The following FAM47E variants were observed in gnomAD, a reference collection of about 807,000 sequenced individuals.
FAM47E encodes family with sequence similarity 47 member E.
A neutral mutation model predicts 41.6 loss-of-function variants in FAM47E; 32 were observed. The observed-to-expected ratio is 0.77, with a 90% CI of 0.58 to 1.03. The LOEUF (loss-of-function observed/expected upper bound fraction) is 1.03, where lower values mean the gene tolerates loss of function less well. FAM47E is among the 50% of genes least tolerant of loss of function. The pLI, the probability that FAM47E is intolerant of heterozygous loss-of-function variation, is 0.00. For missense variants in FAM47E, 424 were observed against 485.4 expected, an observed-to-expected ratio of 0.87 and a Z score of 1.19; for synonymous variants, 184 against 188.7, an observed-to-expected ratio of 0.98 and a Z score of 0.20.
Position 76,221,449 on chromosome 4 carries a change from G to A in FAM47E, c.81+3761G>A, listed in dbSNP as rs1285651909. Among the ~76,000 whole-genome samples, 4 of 152,218 alleles carry A rather than the reference G, an allele frequency of 2.6e-5. No individual in the cohort carries two copies. In the East Asian group the frequency reaches 5.8e-4, roughly 22 times the overall value. On this transcript the variant is annotated intron_variant, in intron 2 of 7. Transcript: ENST00000510197. ...TTCTCCTGCCTCAGCCTCCCGAGTA[G>A]CTGGGATTACAGGCACCTGGTACCA... is the stretch of plus-strand genomic sequence containing the variant.
intron 5 of FAM47E, 114 bp from the exon 6 acceptor site, chr4:76,277,955 G>T: frequency 7.8e-7 from 1 of 1,276,834 alleles, no homozygotes. Context: ...CTTTGGCAAG[G>T]ACCAACCTAA....
At chr4:76,247,720 G>A (rs1003746595), upstream of FAM47E, among the ~76,000 whole-genome samples, 3 of 151,890 alleles carry the variant, frequency 2.0e-5, no homozygotes, top group Non-Finnish European at 2.9e-5. Context: ...CTTTTGATGT[G>A]ATTTTTGGCC....
chr4:76,214,044 C>G (rs1733146578), exon 1 of FAM47E: 1 of 327,950 alleles, frequency 3.0e-6, no homozygotes, highest in Non-Finnish European at 6.0e-6. Context: ...GCTCCCAGCG[C>G]CCTGCACCGC....
At chr4:76,242,385 C>T (rs912643090) in intron 2 of FAM47E, among the ~76,000 whole-genome samples, 1 of 152,216 alleles carries the variant, frequency 6.6e-6, no homozygotes, top group African/African-American at 2.4e-5. Flanking sequence ...CATCTTCTAC[C>T]ATGACTGTAA....
rs753290145 is a variant in FAM47E, at chr4:76,217,701, C to T, written c.81+13C>T. ...TACCCAATCTCAGGTATTGTTATAG[C>T]AACACAAACAGACAAGGGCGGAAAA... On this transcript the variant is annotated intron_variant, in intron 2 of 7. Coordinates refer to the FAM47E transcript ENST00000510197. The T allele has an allele frequency of 1.2e-5, 7 of 580,316 alleles. No homozygotes were observed. In the South Asian group the frequency reaches 1.4e-4, roughly 12 times the overall value. 35.9% of individuals were successfully genotyped at this position (580,316 alleles called of 1,614,324 possible). A position where few individuals can be genotyped will look rare whatever the true frequency, so the allele number is the denominator to read the frequency against.
chr4:76,257,479 A>G (rs1165948518), intron 2 of FAM47E, among the ~76,000 whole-genome samples: 1 of 152,146 alleles, frequency 6.6e-6, no homozygotes, highest in African/African-American at 2.4e-5. Flanking sequence ...CTTCTCTCTC[A>G]GAGAAAGCCA....
chr4:76,261,277 G>T (rs1454475575), intron 2 of FAM47E, among the ~76,000 whole-genome samples: 1 of 152,092 alleles, frequency 6.6e-6, no homozygotes, highest in Non-Finnish European at 1.5e-5. Context: ...ATTTCTCAAA[G>T]AACTAAAAAT....
intron 7 of FAM47E, 198 bp downstream of exon 7, chr4:76,280,539 C>T: frequency 2.1e-6 from 1 of 476,874 alleles, no homozygotes; most frequent in Non-Finnish European, 3.7e-6. Context: ...CCTTTTTATT[C>T]TGCCTATTTG....
intron 1 of FAM47E, among the ~76,000 whole-genome samples, chr4:76,214,792 G>A (rs1407541020): frequency 1.3e-5 from 2 of 152,230 alleles, no homozygotes; most frequent in African/African-American, 2.4e-5. Flanking sequence ...ATGAATAGGA[G>A]GTTGTGTTTG....
At chr4:76,219,232 A>T (rs1017238517) in intron 2 of FAM47E, among the ~76,000 whole-genome samples, 2 of 152,224 alleles carry the variant, frequency 1.3e-5, no homozygotes, top group South Asian at 4.1e-4. Context: ...GGTTGGAATT[A>T]GTGTGTGTGG....
intron 4 of FAM47E, among the ~76,000 whole-genome samples, chr4:76,270,937 C>T (rs1326625406): frequency 5.9e-5 from 9 of 152,178 alleles, no homozygotes; most frequent in Non-Finnish European, 1.3e-4. Context: ...TGACTCCTCT[C>T]TATAAATTTT....
intron 1 of FAM47E, among the ~76,000 whole-genome samples, chr4:76,252,297 C>T (rs1578771696): frequency 6.6e-6 from 1 of 152,250 alleles, no homozygotes; most frequent in Admixed American, 6.5e-5. Flanking sequence ...GCCTGGGGTG[C>T]TAGGGAGGTC....
At chr4:76,281,569 C>T (rs938692240) in intron 7 of FAM47E, 1 of 151,942 alleles carries the variant, frequency 6.6e-6, no homozygotes, top group Non-Finnish European at 1.5e-5. Context: ...AAATGTACTT[C>T]TGTGGTATAT....
At chr4:76,230,639 G>A (rs1733476325) in intron 2 of FAM47E, among the ~76,000 whole-genome samples, 2 of 152,120 alleles carry the variant, frequency 1.3e-5, no homozygotes, top group Admixed American at 6.5e-5. Context: ...GATATCTGGG[G>A]TATGTGAGAG....
Position 76,251,763 on chromosome 4 carries a change from G to T in FAM47E, c.17G>T (p.Arg6Leu). 2 of 1,487,074 alleles carry T rather than the reference G, an allele frequency of 1.3e-6. No individual in the cohort carries two copies. Among genetic ancestry groups the T allele is most frequent in the Non-Finnish European group, 1.8e-6 (2 of 1,124,776 alleles). The allele number at this position is 1,487,074 out of a possible 1,614,324, so 92.1% of individuals were successfully genotyped here. The change falls in exon 1 of 8, where the codon CGG becomes CTG. Residue 6 changes from arginine to leucine, a missense_variant. Coordinates refer to ENST00000424749, the MANE Select transcript of FAM47E (RefSeq NM_001136570.3). The part of the protein sequence containing the change: MADRR[R>L]RLRPGTLAPV... ...AGGGCCACCATGGCGGACCGCAGGC[G>T]GCGGCTCCGGCCGGGGACGTTGGCC... is the stretch of plus-strand genomic sequence containing the variant.
chr4:76,259,132 C>A (rs555867051), intron 2 of FAM47E, among the ~76,000 whole-genome samples: 3 of 152,296 alleles, frequency 2.0e-5, no homozygotes, highest in African/African-American at 4.8e-5. Context: ...TACAAGAGAT[C>A]TCCTCTGCCA....
At chr4:76,262,334 T>C (rs746479365) in intron 2 of FAM47E, among the ~76,000 whole-genome samples, 10 of 152,248 alleles carry the variant, frequency 6.6e-5, no homozygotes. Flanking sequence ...CCAGTTCTTA[T>C]GGAATACCTC....
chr4:76,245,370 T>C (rs1733803200), intron 2 of FAM47E, among the ~76,000 whole-genome samples: 1 of 152,132 alleles, frequency 6.6e-6, no homozygotes, highest in South Asian at 2.1e-4. Flanking sequence ...ACACCTAAAC[T>C]GCACGAATTG....
intron 2 of FAM47E, among the ~76,000 whole-genome samples, chr4:76,263,246 T>C (rs1333739817): frequency 1.3e-5 from 2 of 152,224 alleles, no homozygotes; most frequent in Non-Finnish European, 2.9e-5. Context: ...ATTATAGCCA[T>C]GTGACTGCTA....
Sources: allele counts gnomAD v4.1 joint callset (sites outside exome capture counted in the v4.1 genomes callset), GRCh38; gene constraint gnomAD v4.1.1; transcripts MANE v1.5; gene names NCBI Gene and HGNC (gene_info 2026-07-23, HGNC 2026-07-21).